Variants in TNS3 observed in about 807,000 individuals in gnomAD.
The protein encoded by TNS3 is tensin-3.
A neutral mutation model predicts 140.9 loss-of-function variants in TNS3; 45 were observed. The ratio of observed to expected loss-of-function variants is 0.32; its 90% CI spans 0.25 to 0.41. The LOEUF (loss-of-function observed/expected upper bound fraction) is 0.41. Among genes scored for constraint, TNS3 ranks in the 10% least tolerant of loss-of-function variants. The pLI, the probability that TNS3 is intolerant of heterozygous loss-of-function variation, is 1.00. For synonymous variants in TNS3, 815 were observed against 788.4 expected, an observed-to-expected ratio of 1.03 and a Z score of -0.56; for missense variants, 1,716 against 1,906.7, an observed-to-expected ratio of 0.90 and a Z score of 1.86.
At chr7:47,498,346 G>T (rs73695358) in intron 3 of TNS3, among the ~76,000 whole-genome samples, 1 of 152,142 alleles carries the variant, frequency 6.6e-6, no homozygotes, top group Non-Finnish European at 1.5e-5. Flanking sequence ...CCTGAGCCAC[G>T]TGCAGGATGC....
At position 47,546,900 on chromosome 7, in the gene TNS3, T is replaced by C. The variant is rs1249483813; in HGVS notation, c.-264-17753A>G. On this transcript the variant is annotated intron_variant, in intron 1 of 30. Coordinates refer to ENST00000311160, the MANE Select transcript of TNS3 (RefSeq NM_022748.12). ...TGCTCAACAGGCGCTGCGGATGGAA[T>C]GACTAAAATGACAAAGACAGACGCC... is the stretch of plus-strand genomic sequence containing the variant. Among the ~76,000 whole-genome samples the C allele has an allele frequency of 7.2e-5, 11 of 152,230 alleles. 1 individual carries two copies. The South Asian group carries it at 2.3e-3, about 32-fold the overall frequency.
rs147014015 is a variant in TNS3, at chr7:47,363,460, G to A, written c.2281+4905C>T. Among the ~76,000 whole-genome samples the A allele has an allele frequency of 1.6e-3, 247 of 152,320 alleles. 1 individual carries two copies. The highest frequency in any genetic ancestry group is 5.6e-3 in the African/African-American group (234 of 41,564). On this transcript the variant is annotated intron_variant, in intron 17 of 30. Transcript: ENST00000311160. Reference sequence around the variant, plus strand: ...AATGCAGGATGCACAGAAGTCCCCCGGAGGAGCACAGGGCAATGCTATTCC... The same window carrying A: ...AATGCAGGATGCACAGAAGTCCCCCAGAGGAGCACAGGGCAATGCTATTCC...
At chr7:47,362,310 G>C (rs1790379824) in intron 17 of TNS3, among the ~76,000 whole-genome samples, 1 of 152,184 alleles carries the variant, frequency 6.6e-6, no homozygotes, top group East Asian at 1.9e-4. Context: ...TCAGCCACCA[G>C]AGCTTTGTGA....
chr7:47,333,576 T>C (rs1282392167), intron 20 of TNS3, among the ~76,000 whole-genome samples: 1 of 152,204 alleles, frequency 6.6e-6, no homozygotes, highest in Admixed American at 6.5e-5. Context: ...TTTGTCCCTA[T>C]TATAAACATT....
chr7:47,351,497 C>G (rs1264361998), intron 17 of TNS3, among the ~76,000 whole-genome samples: 1 of 152,020 alleles, frequency 6.6e-6, no homozygotes, highest in African/African-American at 2.4e-5. Flanking sequence ...CAAGGCAGGC[C>G]CACTAGCTGT....
At chr7:47,473,112 G>A (rs944839381) in intron 4 of TNS3, among the ~76,000 whole-genome samples, 8 of 152,206 alleles carry the variant, frequency 5.3e-5, no homozygotes, top group Admixed American at 1.3e-4. Context: ...GCCAATGCCC[G>A]AATGCTGTAT....
At chr7:47,295,619 C>T (rs1785965515) in intron 24 of TNS3, among the ~76,000 whole-genome samples, 2 of 152,214 alleles carry the variant, frequency 1.3e-5, no homozygotes, top group Non-Finnish European at 1.5e-5. Flanking sequence ...AACGCCTTCT[C>T]TCTACTTCAC....
At chr7:47,460,212 C>CAAA (rs10526565) in intron 4 of TNS3, among the ~76,000 whole-genome samples, 61 of 114,942 alleles carry the variant, frequency 5.3e-4, no homozygotes, top group African/African-American at 7.0e-4. Flanking sequence ...GACTCTGTCC[C>CAAA]AAAAAAAAAA....
intron 16 of TNS3, among the ~76,000 whole-genome samples, chr7:47,370,487 T>C (rs1790999055): frequency 1.3e-5 from 2 of 152,036 alleles, no homozygotes; most frequent in Admixed American, 1.3e-4. Context: ...GTCAGGAAAA[T>C]GAAACTTTGA....
chr7:47,346,387 G>C, intron 17 of TNS3, 31 bp from the exon 18 acceptor site: 7 of 1,611,682 alleles, frequency 4.3e-6, no homozygotes, highest in Non-Finnish European at 5.9e-6. Flanking sequence ...AGGCTGCAGG[G>C]CGCTTCCTCA....
At chr7:47,344,574 C>G (rs1317324297) in intron 20 of TNS3, among the ~76,000 whole-genome samples, 181 bp downstream of exon 20, 1 of 152,270 alleles carries the variant, frequency 6.6e-6, no homozygotes, top group Non-Finnish European at 1.5e-5. Flanking sequence ...TGCCACCACA[C>G]AGTGGATTTC....
intron 10 of TNS3, among the ~76,000 whole-genome samples, chr7:47,415,990 G>A (rs574688738): frequency 6.6e-6 from 1 of 152,366 alleles, no homozygotes; most frequent in South Asian, 2.1e-4. Flanking sequence ...GCTCTCTGAC[G>A]CTTCCCTGGC....
chr7:47,408,773 G>A (rs1381604517), intron 13 of TNS3, among the ~76,000 whole-genome samples: 3 of 152,132 alleles, frequency 2.0e-5, no homozygotes, highest in Non-Finnish European at 2.9e-5. Context: ...CCTTACAACA[G>A]CATCAGCCTT....
At chr7:47,337,640 C>A (rs555815197) in intron 20 of TNS3, among the ~76,000 whole-genome samples, 2 of 152,212 alleles carry the variant, frequency 1.3e-5, no homozygotes, top group Non-Finnish European at 2.9e-5. Flanking sequence ...TCCATCCCAC[C>A]GTGTTCTTCA....
Position 47,276,009 on chromosome 7 carries a change from T to C in TNS3, c.*2067A>G. On this transcript the variant is annotated 3_prime_UTR_variant, in exon 31 of 31. Coordinates refer to ENST00000311160, the MANE Select transcript of TNS3 (RefSeq NM_022748.12). ...TGGCCTGCACTCTTTGGGTTAAACA[T>C]GGGTAGAGACCGTCTCAGGATGAGG... is the stretch of plus-strand genomic sequence containing the variant. 1 of 374,010 alleles carries C rather than the reference T, an allele frequency of 2.7e-6. No individual in the cohort carries two copies. The highest frequency in any genetic ancestry group is 5.3e-6 in the Non-Finnish European group (1 of 187,508). The allele number at this position is 374,010 out of a possible 1,614,324, so 23.2% of individuals were successfully genotyped here.
At chr7:47,530,838 A>AAAATATATATATATATATAT in intron 1 of TNS3, among the ~76,000 whole-genome samples, 12 of 54,538 alleles carry the variant, frequency 2.2e-4, no homozygotes, top group African/African-American at 5.5e-4. Context: ...AAAAAAAAAA[A>AAAATATATATATATATATAT]ATATATATAT....
intron 1 of TNS3, among the ~76,000 whole-genome samples, chr7:47,546,849 A>G (rs1166419531): frequency 3.9e-5 from 6 of 152,180 alleles, no homozygotes; most frequent in Non-Finnish European, 8.8e-5. Flanking sequence ...GTGTGCGCTC[A>G]GCACCCGCCT....
intron 1 of TNS3, chr7:47,581,327 C>A (rs1401300221): frequency 1.3e-5 from 2 of 151,032 alleles, no homozygotes; most frequent in Non-Finnish European, 3.0e-5. Context: ...ACCCCCCACC[C>A]CAGAATATCC....
Position 47,304,952 on chromosome 7 carries a change from CTCT to C in TNS3, c.2699_2701del (p.Glu900_Ser901delinsGly). 3.5e-6 allele frequency: 5 copies of C among 1,421,562 alleles called. No individual in the cohort carries two copies. Among genetic ancestry groups the C allele is most frequent in the Non-Finnish European group, 4.7e-6 (5 of 1,073,600 alleles). The allele number at this position is 1,421,562 out of a possible 1,614,324, so 88.1% of individuals were successfully genotyped here. On this transcript the variant is annotated inframe_deletion, in exon 21 of 31. Transcript: ENST00000311160. ...CATCGTGGATTTGGGTCCGATGGGG[CTCT>C]CTGACATCCCCACAGCGTGAGTGAG...
Sources: gnomAD v4.1 joint callset for allele counts (sites outside exome capture counted in the v4.1 genomes callset) on GRCh38, gnomAD v4.1.1 for gene constraint, MANE v1.5 for transcripts, NCBI Gene and HGNC (gene_info 2026-07-23, HGNC 2026-07-21) for gene names.